GABRG3: variants seen among roughly 807,000 people sequenced by gnomAD.
The protein encoded by GABRG3 is gamma-aminobutyric acid type A receptor subunit gamma3.
In GABRG3, 25 loss-of-function variants were observed where a neutral mutation model predicts 48.8. The observed-to-expected ratio is 0.51, with a 90% CI of 0.37 to 0.72. GABRG3 has a LOEUF of 0.72. GABRG3 is among the 30% of genes least tolerant of loss of function. The pLI is 0.00. For synonymous variants in GABRG3, 227 were observed against 217.6 expected (o/e 1.04, Z -0.38); for missense variants, 394 against 577.9 (o/e 0.68, Z 3.26).
intron 2 of GABRG3, among the ~76,000 whole-genome samples, chr15:27,020,631 A>G (rs1895874638): frequency 6.6e-6 from 1 of 151,028 alleles, no homozygotes; most frequent in Non-Finnish European, 1.5e-5. Flanking sequence ...GTTAGCCAGG[A>G]TGGTCTCGAT....
intron 2 of GABRG3, among the ~76,000 whole-genome samples, chr15:26,993,916 T>C (rs887790320): frequency 1.4e-4 from 21 of 152,038 alleles, no homozygotes; most frequent in African/African-American, 4.3e-4. Context: ...TTTAAAATTA[T>C]TATATCCTCT....
chr15:27,429,368 C>G (rs1054009234), intron 5 of GABRG3, among the ~76,000 whole-genome samples: 3 of 152,144 alleles, frequency 2.0e-5, no homozygotes, highest in African/African-American at 7.2e-5. Context: ...TTGGACTGGG[C>G]TCTAAGTCTC....
At chr15:27,193,202 C>T (rs1194089584) in intron 3 of GABRG3, among the ~76,000 whole-genome samples, 2 of 152,244 alleles carry the variant, frequency 1.3e-5, no homozygotes, top group East Asian at 3.9e-4. Flanking sequence ...TCTGCCCGTT[C>T]TCAGATCTCC....
chr15:27,375,227 G>A (rs1895555601), intron 5 of GABRG3, among the ~76,000 whole-genome samples: 1 of 152,122 alleles, frequency 6.6e-6, no homozygotes, highest in Admixed American at 6.5e-5. Context: ...TGCTGGGAAG[G>A]GACAAGAAAT....
chr15:27,148,507 A>G (rs954328813), intron 3 of GABRG3, among the ~76,000 whole-genome samples: 3 of 151,988 alleles, frequency 2.0e-5, no homozygotes, highest in East Asian at 1.9e-4. Flanking sequence ...TATGAGGCCA[A>G]TATTATCCTG....
intron 3 of GABRG3, among the ~76,000 whole-genome samples, chr15:27,073,069 A>T (rs1896854544): frequency 6.6e-6 from 1 of 152,228 alleles, no homozygotes; most frequent in Non-Finnish European, 1.5e-5. Flanking sequence ...ATACCTGAGC[A>T]GTCTGTTGAG....
intron 3 of GABRG3, among the ~76,000 whole-genome samples, chr15:27,187,277 G>T (rs1185527950): frequency 6.6e-6 from 1 of 152,072 alleles, no homozygotes; most frequent in African/African-American, 2.4e-5. Context: ...TGTTCTATGG[G>T]TCTATGAGTC....
chr15:27,298,119 A>G lies in GABRG3; in HGVS notation c.271-28690A>G, dbSNP rs765689479. 2.0e-5 allele frequency among the ~76,000 whole-genome samples: 3 copies of G among 152,198 alleles called. No individual in the cohort carries two copies. In the South Asian group the frequency reaches 6.2e-4, roughly 31 times the overall value. ...AAATGGTAGATGTATATTGAACCCT[A>G]TGAATAACAAATGTGAATGAATTAA... is the stretch of plus-strand genomic sequence containing the variant. On this transcript the variant is annotated intron_variant, in intron 3 of 9. Coordinates refer to ENST00000615808, the MANE Select transcript of GABRG3 (RefSeq NM_033223.5).
chr15:27,424,552 C>CTT lies in GABRG3; in HGVS notation c.575-56081_575-56080dup, dbSNP rs534239781. ...ACTTAATCACCTCCTAAGGTTTCACCTTTTTTTTTTTTTTTTTTGAGACAG... is the reference window on the plus strand; with the variant it reads ...ACTTAATCACCTCCTAAGGTTTCACCTTTTTTTTTTTTTTTTTTTTGAGACAG... On this transcript the variant is annotated intron_variant, in intron 5 of 9. Transcript: ENST00000615808. Among the ~76,000 whole-genome samples the CTT allele has an allele frequency of 3.1e-3, 413 of 133,586 alleles. 7 individuals are homozygous for CTT. The highest frequency in any genetic ancestry group is 0.011 in the African/African-American group (388 of 36,156). The allele number at this position is 133,586 out of a possible 152,430, so 87.6% of individuals were successfully genotyped here.
chr15:27,187,060 C>T (rs1470400633), intron 3 of GABRG3, among the ~76,000 whole-genome samples: 3 of 97,996 alleles, frequency 3.1e-5, no homozygotes, highest in Non-Finnish European at 5.9e-5. Context: ...TGAGGTCTTA[C>T]ATTTAAGTCT....
intron 5 of GABRG3, among the ~76,000 whole-genome samples, chr15:27,376,562 C>T (rs1895603169): frequency 6.6e-6 from 1 of 152,184 alleles, no homozygotes; most frequent in African/African-American, 2.4e-5. Flanking sequence ...ACTTCTGTGC[C>T]CTCACAGGCT....
intron 3 of GABRG3, among the ~76,000 whole-genome samples, chr15:27,237,534 A>G (rs148997598): frequency 6.6e-6 from 1 of 152,332 alleles, no homozygotes; most frequent in African/African-American, 2.4e-5. Context: ...GAGGAACAGA[A>G]AACAGCTCCA....
chr15:27,136,539 G>A lies in GABRG3; in HGVS notation c.270+109718G>A, dbSNP rs542005178. 9.2e-5 allele frequency among the ~76,000 whole-genome samples: 14 copies of A among 152,218 alleles called. 1 individual carries two copies. The South Asian group carries it at 2.3e-3, about 25-fold the overall frequency. On this transcript the variant is annotated intron_variant, in intron 3 of 9. Coordinates refer to ENST00000615808, the MANE Select transcript of GABRG3 (RefSeq NM_033223.5). The stretch of plus-strand genomic sequence containing the variant: ...AAAGTGTGAGGGCTGGGGTGATCGT[G>A]TTTCAGGCATGGGATCAGCTGTGGA...
At chr15:27,247,917 A>C (rs1776793485) in intron 3 of GABRG3, among the ~76,000 whole-genome samples, 1 of 152,192 alleles carries the variant, frequency 6.6e-6, no homozygotes, top group Non-Finnish European at 1.5e-5. Context: ...CATGGGAATT[A>C]TGGGAGCCAC....
At position 27,311,650 on chromosome 15, in the gene GABRG3, AAC is replaced by A. The variant is rs564246802; in HGVS notation, c.271-15157_271-15156del. Among the ~76,000 whole-genome samples, 1,190 of 152,222 alleles carry A rather than the reference AAC, an allele frequency of 7.8e-3. 17 individuals carry two copies. The highest frequency in any genetic ancestry group is 0.028 in the African/African-American group (1,152 of 41,518). ...TCTCCCTGGGGATAGGGAAAAAAAAAACAGTTAGACAGGGAATCCAATGATTC... is the reference window on the plus strand; with the variant it reads ...TCTCCCTGGGGATAGGGAAAAAAAAAAGTTAGACAGGGAATCCAATGATTC... On this transcript the variant is annotated intron_variant, in intron 3 of 9. Coordinates refer to ENST00000615808, the MANE Select transcript of GABRG3 (RefSeq NM_033223.5).
At chr15:27,287,583 A>G (rs1891656539) in intron 3 of GABRG3, among the ~76,000 whole-genome samples, 1 of 152,130 alleles carries the variant, frequency 6.6e-6, no homozygotes, top group African/African-American at 2.4e-5. Flanking sequence ...TAAATATTTC[A>G]TTGTGAATGA....
intron 5 of GABRG3, among the ~76,000 whole-genome samples, chr15:27,394,089 G>A (rs1303779426): frequency 1.3e-5 from 2 of 152,116 alleles, no homozygotes; most frequent in African/African-American, 2.4e-5. Flanking sequence ...AATATTTAAT[G>A]TAATGACAGA....
chr15:27,388,196 G>A (rs1256465892), intron 5 of GABRG3, among the ~76,000 whole-genome samples: 7 of 79,972 alleles, frequency 8.8e-5, no homozygotes, highest in African/African-American at 1.2e-4. Context: ...GGGAGGGTAA[G>A]GAAGGAAGGA....
intron 2 of GABRG3, among the ~76,000 whole-genome samples, chr15:27,003,354 G>C (rs1436311052): frequency 6.6e-6 from 1 of 151,738 alleles, no homozygotes; most frequent in East Asian, 1.9e-4. Context: ...GTTTTCCTAG[G>C]CAGAGGTCCC....
Sources: allele counts gnomAD v4.1 joint callset (sites outside exome capture counted in the v4.1 genomes callset), GRCh38; gene constraint gnomAD v4.1.1; transcripts MANE v1.5; gene names NCBI Gene and HGNC (gene_info 2026-07-23, HGNC 2026-07-21).